Variants in TNPO2 observed in about 807,000 individuals in gnomAD.
The protein encoded by TNPO2 is transportin 2, also known as transportin-2.
In TNPO2, 16 loss-of-function variants were observed where a neutral mutation model predicts 111.1. That is an observed-to-expected ratio of 0.14 (90% CI 0.10 to 0.22). TNPO2 has a LOEUF of 0.22. Among genes scored for constraint, TNPO2 ranks in the 10% least tolerant of loss-of-function variants. The probability of loss-of-function intolerance (pLI) is 1.00; values close to 1 mark genes in which losing one functional copy is unlikely to be tolerated. For synonymous variants in TNPO2, 481 were observed against 475.8 expected, an observed-to-expected ratio of 1.01 and a Z score of -0.14; for missense variants, 530 against 1,173.7, an observed-to-expected ratio of 0.45 and a Z score of 8.01.
intron 2 of TNPO2, among the ~76,000 whole-genome samples, chr19:12,722,811 G>T (rs1208077882): frequency 6.6e-6 from 1 of 152,100 alleles, no homozygotes; most frequent in African/African-American, 2.4e-5. Context: ...CGTTTTCCCA[G>T]CATCTTTCAC....
intron 13 of TNPO2, among the ~76,000 whole-genome samples, chr19:12,707,215 T>C (rs1397324507): frequency 1.3e-5 from 2 of 152,156 alleles, no homozygotes; most frequent in African/African-American, 4.8e-5. Flanking sequence ...ACCAAGATGG[T>C]CTCAGTCTCC....
chr19:12,713,562 GC>G (rs1206200210), intron 10 of TNPO2, among the ~76,000 whole-genome samples: 2 of 152,034 alleles, frequency 1.3e-5, no homozygotes, highest in African/African-American at 4.8e-5. Flanking sequence ...TGTAATCCTA[GC>G]ACTTTGGGAG....
chr19:12,719,345 C>T lies in TNPO2; in HGVS notation c.100-9G>A, dbSNP rs1029295830. The T allele has an allele frequency of 1.2e-6, 2 of 1,613,464 alleles. No homozygotes were observed. Among genetic ancestry groups the T allele is most frequent in the Non-Finnish European group, 1.7e-6 (2 of 1,179,634 alleles). On this transcript the variant is annotated splice_polypyrimidine_tract_variant and intron_variant, in intron 3 of 25. Coordinates refer to ENST00000425528, the MANE Select transcript of TNPO2 (RefSeq NM_001382241.1). The surrounding 1 kb of genome is among the most constrained non-coding windows in gnomAD (Gnocchi z 5.0). The stretch of plus-strand genomic sequence containing the variant: ...TTGAGTTGTTTGAGTTTCTGCCAGG[C>T]TGTTAAGGGACTTGGAAGACAGAGG...
Position 12,699,555 on chromosome 19 carries a change from C to T in TNPO2, c.*1709G>A, listed in dbSNP as rs1317573199. On this transcript the variant is annotated 3_prime_UTR_variant, in exon 26 of 26. Transcript: ENST00000425528. ...CCCCATCTTGAGTAGCGAGGGGTTA[C>T]CAATCCCATCAGACAGCCAATCCAT... 6.7e-6 allele frequency: 1 copy of T among 150,260 alleles called. No homozygotes were observed. 9.3% of individuals were successfully genotyped at this position (150,260 alleles called of 1,614,324 possible). A position where few individuals can be genotyped will look rare whatever the true frequency, so the allele number is the denominator to read the frequency against.
At chr19:12,703,143 A>G in intron 20 of TNPO2, 1 of 588,688 alleles carries the variant, frequency 1.7e-6, no homozygotes, top group Non-Finnish European at 3.0e-6. Context: ...TGGAGTCGCT[A>G]AGGTGACAAC....
chr19:12,706,535 G>T lies in TNPO2; in HGVS notation c.1496+35C>A. 1.9e-6 allele frequency: 3 copies of T among 1,607,442 alleles called. No homozygotes were observed. The highest frequency in any genetic ancestry group is 1.7e-6 in the Non-Finnish European group (2 of 1,174,318). On this transcript the variant is annotated intron_variant, in intron 14 of 25. Coordinates refer to ENST00000425528, the MANE Select transcript of TNPO2 (RefSeq NM_001382241.1). This position sits in a 1 kb window ranked among gnomAD's most constrained non-coding sequence, Gnocchi z 7.0. ...CACTTCCCAGAGGGTGGCCGGGGGA[G>T]AGTGGGGGCTGTGGGATCAGGGGTC...
Position 12,702,202 on chromosome 19 carries a change from C to A in TNPO2, c.2306-25G>T. 2 of 1,595,388 alleles carry A rather than the reference C, an allele frequency of 1.3e-6. No individual in the cohort carries two copies. The highest frequency in any genetic ancestry group is 1.7e-6 in the Non-Finnish European group (2 of 1,168,324). ...CCTGCAACCCCGAGCGGCCCCGGGA[C>A]GGTACGTGGCGGGGCCTCTGGCACA... On this transcript the variant is annotated intron_variant, in intron 21 of 25. Transcript: ENST00000425528. The surrounding 1 kb of genome is among the most constrained non-coding windows in gnomAD (Gnocchi z 5.5).
At position 12,715,690 on chromosome 19, in the gene TNPO2, G is replaced by A. The variant is rs373012056; in HGVS notation, c.375C>T (p.Pro125=). Residue 125 remains proline (P), a synonymous_variant, in exon 6 of 26, where the codon CCC becomes CCT. Coordinates refer to ENST00000425528, the MANE Select transcript of TNPO2 (RefSeq NM_001382241.1). The surrounding 1 kb of genome is among the most constrained non-coding windows in gnomAD (Gnocchi z 7.1). ...IASKGELQMW[P]ELLPQLCNLL... ...GGTTGCAGAGCTGGGGCAGCAGCTC[G>A]GGCCACATCTGCAGCTCACCCTTGG... The A allele has an allele frequency of 8.1e-6, 13 of 1,613,500 alleles. No homozygotes were observed. The highest frequency in any genetic ancestry group is 1.1e-5 in the South Asian group (1 of 91,024).
At chr19:12,716,138 T>C (rs1006539629) in intron 5 of TNPO2, among the ~76,000 whole-genome samples, 10 of 152,178 alleles carry the variant, frequency 6.6e-5, no homozygotes, top group Admixed American at 3.3e-4. Flanking sequence ...CCAAAAGCAC[T>C]GAGATTACAG....
rs1262285280 is a variant in TNPO2 at position 12,721,141 on chromosome 19, G to A, written c.-13-151C>T. 1 of 1,445,622 alleles carries A rather than the reference G, an allele frequency of 6.9e-7. No homozygotes were observed. Among genetic ancestry groups the A allele is most frequent in the Non-Finnish European group, 9.0e-7 (1 of 1,106,880 alleles). 89.5% of individuals were successfully genotyped at this position (1,445,622 alleles called of 1,614,324 possible). A position where few individuals can be genotyped will look rare whatever the true frequency, so the allele number is the denominator to read the frequency against. On this transcript the variant is annotated intron_variant, in intron 2 of 25. Coordinates refer to ENST00000425528, the MANE Select transcript of TNPO2 (RefSeq NM_001382241.1). The surrounding 1 kb of genome is among the most constrained non-coding windows in gnomAD (Gnocchi z 4.9). ...CCGATCCACGCCCGCCCAAGTGCGG[G>A]GTCCCCGCCAGCTGCGCCATCCTCG...
intron 2 of TNPO2, chr19:12,722,594 G>GA (rs963967398): frequency 5.5e-4 from 65 of 117,378 alleles, no homozygotes; most frequent in Non-Finnish European, 6.9e-4. Context: ...AAGAAAGAAA[G>GA]AAAAAAAAAA....
chr19:12,699,724 G>A lies in TNPO2; in HGVS notation c.*1540C>T, dbSNP rs2025190842. 6.6e-6 allele frequency: 1 copy of A among 152,050 alleles called. No homozygotes were observed. The highest frequency in any genetic ancestry group is 2.4e-5 in the African/African-American group (1 of 41,244). The allele number at this position is 152,050 out of a possible 1,614,324, so 9.4% of individuals were successfully genotyped here. A position where few individuals can be genotyped will look rare whatever the true frequency, so the allele number is the denominator to read the frequency against. ...GAGTTTCATGGGGTGGGCGTGCAGG[G>A]ACACCCAGCTAATTTATGGAATGTG... On this transcript the variant is annotated 3_prime_UTR_variant, in exon 26 of 26. Coordinates refer to ENST00000425528, the MANE Select transcript of TNPO2 (RefSeq NM_001382241.1).
intron 5 of TNPO2, among the ~76,000 whole-genome samples, chr19:12,718,776 CAAG>C (rs1002645282): frequency 2.0e-5 from 3 of 152,204 alleles, no homozygotes; most frequent in Non-Finnish European, 2.9e-5. Context: ...GTCTCAGAGC[CAAG>C]AAGGACTGTT....
At chr19:12,714,505 G>T (rs1171792065) in intron 10 of TNPO2, among the ~76,000 whole-genome samples, 1 of 151,782 alleles carries the variant, frequency 6.6e-6, no homozygotes. Flanking sequence ...GTAGAAATGG[G>T]GTTTCACCGT....
chr19:12,715,258 A>G lies in TNPO2; in HGVS notation c.633T>C (p.Ile211=). Reference sequence around the variant, plus strand: ...AGCGGCCCACCTCGATGAAGGTGTCAATATTGTCCATCAGCGCCTGGGCCC... The same window carrying G: ...AGCGGCCCACCTCGATGAAGGTGTCGATATTGTCCATCAGCGCCTGGGCCC... ...MDRAQALMDN[I]DTFIEHLFAL... is the part of the protein sequence containing the mutation. Residue 211 remains isoleucine (I), a synonymous_variant, in exon 8 of 26, where the codon ATT becomes ATC. Coordinates refer to ENST00000425528, the MANE Select transcript of TNPO2 (RefSeq NM_001382241.1). This position sits in a 1 kb window ranked among gnomAD's most constrained non-coding sequence, Gnocchi z 7.1. 6.2e-7 allele frequency: 1 copy of G among 1,613,516 alleles called. No individual in the cohort carries two copies. Among genetic ancestry groups the G allele is most frequent in the East Asian group, 2.2e-5 (1 of 44,860 alleles).
Position 12,701,375 on chromosome 19 carries a change from CCTTGAGCA to C in TNPO2, c.2657_2664del (p.Leu886ArgfsTer45). The stretch of plus-strand genomic sequence containing the variant: ...ACCCCATAGAAAGCCGCCAGCCTCT[CCTTGAGCA>C]GCGGCGGGAATTGCTCAGAGAACTG... On this transcript the variant is annotated frameshift_variant, in exon 25 of 26. Transcript: ENST00000425528. LOFTEE classifies it high-confidence loss of function. This position sits in a 1 kb window ranked among gnomAD's most constrained non-coding sequence, Gnocchi z 5.0. 6.2e-7 allele frequency: 1 copy of C among 1,613,984 alleles called. No individual in the cohort carries two copies. Among genetic ancestry groups the C allele is most frequent in the Non-Finnish European group, 8.5e-7 (1 of 1,179,878 alleles).
At position 12,715,809 on chromosome 19, in the gene TNPO2, G is replaced by T; in HGVS notation, c.326-70C>A. On this transcript the variant is annotated intron_variant, in intron 5 of 25. Coordinates refer to ENST00000425528, the MANE Select transcript of TNPO2 (RefSeq NM_001382241.1). This position sits in a 1 kb window ranked among gnomAD's most constrained non-coding sequence, Gnocchi z 7.1. Reference sequence around the variant, plus strand: ...TGCCTAGCACCTCCCCCTCCCACTGGACACCCCCAGTGCTGCCTTTCTGTT... The same window carrying T: ...TGCCTAGCACCTCCCCCTCCCACTGTACACCCCCAGTGCTGCCTTTCTGTT... 1 of 1,249,852 alleles carries T rather than the reference G, an allele frequency of 8.0e-7. No homozygotes were observed. Among genetic ancestry groups the T allele is most frequent in the Non-Finnish European group, 1.1e-6 (1 of 882,838 alleles). 77.4% of individuals were successfully genotyped at this position (1,249,852 alleles called of 1,614,324 possible).
At chr19:12,718,762 G>C (rs759420964) in intron 5 of TNPO2, among the ~76,000 whole-genome samples, 2 of 152,200 alleles carry the variant, frequency 1.3e-5, no homozygotes, top group Non-Finnish European at 2.9e-5. Flanking sequence ...GATGTTGCAT[G>C]ACTGTCTCAG....
chr19:12,721,433 A>G lies in TNPO2; in HGVS notation c.-13-443T>C. The G allele has an allele frequency of 1.7e-6, 1 of 572,228 alleles. No individual in the cohort carries two copies. Among genetic ancestry groups the G allele is most frequent in the Non-Finnish European group, 2.9e-6 (1 of 340,660 alleles). The allele number at this position is 572,228 out of a possible 1,614,324, so 35.4% of individuals were successfully genotyped here. A position where few individuals can be genotyped will look rare whatever the true frequency, so the allele number is the denominator to read the frequency against. ...CCCGTGGTCTCTTCTATGCAGGCAC[A>G]GTCCCTGAAGAGTCCCCTTCCCCCG... On this transcript the variant is annotated intron_variant, in intron 2 of 25. Coordinates refer to ENST00000425528, the MANE Select transcript of TNPO2 (RefSeq NM_001382241.1). The surrounding 1 kb of genome is among the most constrained non-coding windows in gnomAD (Gnocchi z 4.9).
Sources: allele counts gnomAD v4.1 joint callset (sites outside exome capture counted in the v4.1 genomes callset), GRCh38; gene constraint gnomAD v4.1.1; non-coding constraint Gnocchi (gnomAD v3.1); transcripts MANE v1.5; gene names NCBI Gene and HGNC (gene_info 2026-07-23, HGNC 2026-07-21).